The following CRYL1 variants were observed in gnomAD, a reference collection of about 807,000 sequenced individuals.
CRYL1 encodes crystallin lambda 1.
CRYL1 carries 29 observed loss-of-function variants against 36.6 expected under a neutral mutation model. The observed-to-expected ratio is 0.79, with a 90% CI of 0.59 to 1.08. CRYL1 has a LOEUF of 1.08. CRYL1 is among the 50% of genes least tolerant of loss of function. The pLI, the probability that CRYL1 is intolerant of heterozygous loss-of-function variation, is 0.00. For synonymous variants in CRYL1, 152 were observed against 151.5 expected (o/e 1.00, Z -0.02); for missense variants, 411 against 407.9 (o/e 1.01, Z -0.06).
At chr13:20,491,952 A>G (rs2033522059) in intron 2 of CRYL1, among the ~76,000 whole-genome samples, 1 of 152,264 alleles carries the variant, frequency 6.6e-6, no homozygotes, top group South Asian at 2.1e-4. Flanking sequence ...CTAAATCAAA[A>G]AAGAACTGGT....
chr13:20,474,447 T>C (rs2033124912), intron 3 of CRYL1, among the ~76,000 whole-genome samples: 1 of 152,122 alleles, frequency 6.6e-6, no homozygotes, highest in African/African-American at 2.4e-5. Context: ...CAACACACAC[T>C]TGAAAAATTT....
chr13:20,424,886 A>T (rs183043237), intron 5 of CRYL1, among the ~76,000 whole-genome samples: 1 of 152,228 alleles, frequency 6.6e-6, no homozygotes, highest in East Asian at 1.9e-4. Flanking sequence ...TTAAAAAAAA[A>T]TCCTAAACTC....
intron 3 of CRYL1, among the ~76,000 whole-genome samples, chr13:20,472,660 G>A (rs1294218155): frequency 2.0e-5 from 3 of 152,240 alleles, no homozygotes; most frequent in Admixed American, 2.0e-4. Context: ...ATGGGATTCT[G>A]ATAGCTTAAG....
chr13:20,428,599 C>T (rs1295058176), intron 5 of CRYL1, among the ~76,000 whole-genome samples: 2 of 152,186 alleles, frequency 1.3e-5, no homozygotes, highest in East Asian at 3.8e-4. Flanking sequence ...CCCTTGTTAT[C>T]ACCACTTAGT....
At chr13:20,414,269 G>T (rs879437928) in intron 5 of CRYL1, among the ~76,000 whole-genome samples, 1,960 of 152,082 alleles carry the variant, frequency 0.013, 39 homozygotes, top group African/African-American at 0.044. Flanking sequence ...GTGTGTGTGT[G>T]TGTGTGTGAA....
intron 6 of CRYL1, among the ~76,000 whole-genome samples, chr13:20,408,836 A>G (rs1401366148): frequency 6.6e-6 from 1 of 152,090 alleles, no homozygotes; most frequent in Non-Finnish European, 1.5e-5. Context: ...ACCACTGCTC[A>G]AGGAAATAAA....
At chr13:20,413,730 A>G (rs938220253) in intron 5 of CRYL1, among the ~76,000 whole-genome samples, 1 of 152,214 alleles carries the variant, frequency 6.6e-6, no homozygotes, top group Non-Finnish European at 1.5e-5. Context: ...ACACAAAACC[A>G]TCAGAAAAGC....
intron 3 of CRYL1, among the ~76,000 whole-genome samples, chr13:20,471,865 T>G (rs1242718139): frequency 6.6e-6 from 1 of 152,060 alleles, no homozygotes; most frequent in Non-Finnish European, 1.5e-5. Flanking sequence ...CTTTCATTTT[T>G]TTTTTGAGAC....
chr13:20,510,305 A>G (rs2033889676), intron 2 of CRYL1, among the ~76,000 whole-genome samples: 1 of 152,218 alleles, frequency 6.6e-6, no homozygotes, highest in African/African-American at 2.4e-5. Context: ...TGGTACATCC[A>G]GGCAATGCAA....
chr13:20,431,173 A>G (rs1433153824), intron 5 of CRYL1: 14 of 985,310 alleles, frequency 1.4e-5, no homozygotes, highest in Admixed American at 6.1e-5. Flanking sequence ...GGAAATTGAA[A>G]TGCAACACTC....
At chr13:20,474,347 C>A (rs1294875726) in intron 3 of CRYL1, among the ~76,000 whole-genome samples, 1 of 152,184 alleles carries the variant, frequency 6.6e-6, no homozygotes, top group Non-Finnish European at 1.5e-5. Context: ...CCGTCCCCAG[C>A]CGTTGCTGCA....
intron 4 of CRYL1, among the ~76,000 whole-genome samples, chr13:20,437,875 G>T (rs2032265915): frequency 6.6e-6 from 1 of 152,190 alleles, no homozygotes; most frequent in African/African-American, 2.4e-5. Flanking sequence ...TTAGAAGCAA[G>T]AACATGGGTT....
chr13:20,512,460 G>T lies in CRYL1; in HGVS notation c.132C>A (p.Asn44Lys), dbSNP rs7139733. Reference protein sequence around the residue: ...LYDIEQQQIRNALENIRKEMK... With the variant: ...LYDIEQQQIRKALENIRKEMK... ...TGGCCCACCTGATGTTTTCCAGGGC[G>T]TTCCTTATCTGCTGTTGCTCAATGT... Residue 44 changes from asparagine (N) to lysine (K), a missense_variant, in exon 2 of 8, where the codon AAC becomes AAA. Asn to Lys is a moderately conservative substitution (Grantham distance 94). Transcript: ENST00000298248. 6.2e-7 allele frequency: 1 copy of T among 1,613,286 alleles called. No homozygotes were observed.
At chr13:20,408,567 C>G (rs2031439529) in intron 6 of CRYL1, among the ~76,000 whole-genome samples, 1 of 152,204 alleles carries the variant, frequency 6.6e-6, no homozygotes, top group Admixed American at 6.5e-5. Flanking sequence ...CTCTAGGTAC[C>G]TGGTTCCAGA....
At chr13:20,513,480 G>A (rs943921710) in intron 1 of CRYL1, 5 of 152,164 alleles carry the variant, frequency 3.3e-5, no homozygotes, top group Non-Finnish European at 7.3e-5. Context: ...AACCCTACAA[G>A]GTAGGTGTTA....
At chr13:20,484,658 C>A (rs9579871) in intron 3 of CRYL1, among the ~76,000 whole-genome samples, 4,811 of 152,074 alleles carry the variant, frequency 0.032, 244 homozygotes, top group African/African-American at 0.1. Flanking sequence ...GCCCCGAGCA[C>A]ATCGTACAGC....
rs1032575226 is a variant in CRYL1, at chr13:20,425,261, C to G, written c.633+6841G>C. Among the ~76,000 whole-genome samples, 1 of 152,224 alleles carries G rather than the reference C, an allele frequency of 6.6e-6. No individual in the cohort carries two copies. The highest frequency in any genetic ancestry group is 2.4e-5 in the African/African-American group (1 of 41,454). On this transcript the variant is annotated intron_variant, in intron 5 of 7. Coordinates refer to ENST00000298248, the MANE Select transcript of CRYL1 (RefSeq NM_015974.3). This position sits in a 1 kb window ranked among gnomAD's most constrained non-coding sequence, Gnocchi z 4.4. ...TCTGCTGCTTCCAGCCACAAGACTG[C>G]TGTTCCTGTCCTTGACCTCAAAGCC...
rs200960457 is a variant in CRYL1, at chr13:20,505,991, TG to T, written c.149+6451del. On this transcript the variant is annotated intron_variant, in intron 2 of 7. Transcript: ENST00000298248. The stretch of plus-strand genomic sequence containing the variant: ...CCAAAATACTTACAAAAACAAAGTT[TG>T]GTTTCAGTCCTTTTACCTTGGACTC... Among the ~76,000 whole-genome samples, 1,194 of 152,292 alleles carry T rather than the reference TG, an allele frequency of 7.8e-3. 12 individuals are homozygous for T. The highest frequency in any genetic ancestry group is 0.027 in the African/African-American group (1,132 of 41,564).
rs1018372042 is a variant in CRYL1, at chr13:20,460,773, T to C, written c.277-21019A>G. On this transcript the variant is annotated intron_variant, in intron 3 of 7. Coordinates refer to ENST00000298248, the MANE Select transcript of CRYL1 (RefSeq NM_015974.3). ...ATCTCCTGACATCGTGATCTGCCCG[T>C]CTCCGCCTCCCAAAGTGCTGGGATT... is the stretch of plus-strand genomic sequence containing the variant. Among the ~76,000 whole-genome samples, 9 of 152,158 alleles carry C rather than the reference T, an allele frequency of 5.9e-5. No individual in the cohort carries two copies. The South Asian group carries it at 6.2e-4, about 11-fold the overall frequency.
Sources: gnomAD v4.1 joint callset for allele counts (sites outside exome capture counted in the v4.1 genomes callset) on GRCh38, gnomAD v4.1.1 for gene constraint, Gnocchi (gnomAD v3.1) non-coding constraint, MANE v1.5 for transcripts, NCBI Gene and HGNC (gene_info 2026-07-23, HGNC 2026-07-21) for gene names.